Variants in LOC128462377 observed in about 807,000 individuals in gnomAD.
At chr16:89,358,464 T>G in the LOC128462377 span, among the ~76,000 whole-genome samples, 1 of 152,240 alleles carries the variant, frequency 6.6e-6, no homozygotes. Flanking sequence ...GTAACTGGAT[T>G]GTTTACAACA....
chr16:89,393,635 C>A, the LOC128462377 span, among the ~76,000 whole-genome samples: 1 of 152,028 alleles, frequency 6.6e-6, no homozygotes, highest in South Asian at 2.1e-4. Context: ...AGCCACTGCG[C>A]CCGGCCTAGT....
the LOC128462377 span, among the ~76,000 whole-genome samples, chr16:89,327,627 A>C: frequency 6.6e-6 from 1 of 152,244 alleles, no homozygotes; most frequent in Non-Finnish European, 1.5e-5. Flanking sequence ...GCATGCTACC[A>C]ATAATCCTAT....
At chr16:89,337,486 G>C in the LOC128462377 span, among the ~76,000 whole-genome samples, 1 of 124,792 alleles carries the variant, frequency 8.0e-6, no homozygotes, top group African/African-American at 3.1e-5. Flanking sequence ...GCCCAGGCTG[G>C]AGTGCAGTGG....
the LOC128462377 span, among the ~76,000 whole-genome samples, chr16:89,400,016 T>G: frequency 6.8e-6 from 1 of 147,956 alleles, no homozygotes; most frequent in South Asian, 2.2e-4. Flanking sequence ...GCCCCAGGCT[T>G]CCCTGCGCTG....
the LOC128462377 span, among the ~76,000 whole-genome samples, chr16:89,372,313 G>A: frequency 2.0e-5 from 3 of 152,174 alleles, no homozygotes; most frequent in Non-Finnish European, 4.4e-5. Flanking sequence ...CGGCGGCAGC[G>A]CCCAGCGACG....
the LOC128462377 span, among the ~76,000 whole-genome samples, chr16:89,351,758 G>A: frequency 6.6e-6 from 1 of 152,230 alleles, no homozygotes; most frequent in South Asian, 2.1e-4. Context: ...AACAAGGAGT[G>A]ACGATTAAAG....
At chr16:89,349,285 T>G in the LOC128462377 span, among the ~76,000 whole-genome samples, 3 of 151,664 alleles carry the variant, frequency 2.0e-5, no homozygotes, top group Non-Finnish European at 4.4e-5. Context: ...TCCCAGCACT[T>G]TGGGAGAACA....
the LOC128462377 span, among the ~76,000 whole-genome samples, chr16:89,389,415 T>C: frequency 1.3e-5 from 2 of 151,314 alleles, no homozygotes; most frequent in African/African-American, 4.9e-5. Context: ...TATGATTACA[T>C]AGGAGAAAAA....
chr16:89,384,000 AC>A, the LOC128462377 span, among the ~76,000 whole-genome samples: 4 of 152,154 alleles, frequency 2.6e-5, no homozygotes, highest in Non-Finnish European at 5.9e-5. Flanking sequence ...CAGGCAGGTC[AC>A]CTGAGCTCAG....
At chr16:89,404,765 C>T in the LOC128462377 span, among the ~76,000 whole-genome samples, 4 of 152,258 alleles carry the variant, frequency 2.6e-5, no homozygotes, top group Non-Finnish European at 5.9e-5. Flanking sequence ...ATGTGCTCAG[C>T]CACGCCTACC....
the LOC128462377 span, among the ~76,000 whole-genome samples, chr16:89,380,115 C>T: frequency 6.6e-6 from 1 of 151,848 alleles, no homozygotes; most frequent in Non-Finnish European, 1.5e-5. Flanking sequence ...ACAATGATGC[C>T]TGTTTTTTTC....
chr16:89,395,743 G>C, the LOC128462377 span: 1 of 152,228 alleles, frequency 6.6e-6, no homozygotes, highest in African/African-American at 2.4e-5. Context: ...AGACTGAATA[G>C]CTTGGTACAC....
chr16:89,407,610 C>T, the LOC128462377 span, among the ~76,000 whole-genome samples: 694 of 152,350 alleles, frequency 4.6e-3, 4 homozygotes, highest in Admixed American at 0.011. Context: ...TGCTTGAGTT[C>T]AGGAGTTCAA....
the LOC128462377 span, among the ~76,000 whole-genome samples, chr16:89,352,299 C>T: frequency 2.0e-5 from 3 of 151,960 alleles, no homozygotes; most frequent in African/African-American, 7.3e-5. Flanking sequence ...GTATGCATCA[C>T]GCCACGCGGT....
At chr16:89,415,834 A>AAAAAAAAAAAAAAAAAAAAAAAC in the LOC128462377 span, among the ~76,000 whole-genome samples, 1 of 139,926 alleles carries the variant, frequency 7.1e-6, no homozygotes, top group Non-Finnish European at 1.6e-5. Flanking sequence ...TGTCTCAAAA[A>AAAAAAAAAAAAAAAAAAAAAAAC]AAAAAAAAAA....
the LOC128462377 span, among the ~76,000 whole-genome samples, chr16:89,374,188 A>G: frequency 9.8e-5 from 15 of 152,338 alleles, no homozygotes; most frequent in African/African-American, 3.4e-4. Context: ...AATTCTTTTT[A>G]AAAACATTAA....
At chr16:89,398,606 T>A in the LOC128462377 span, among the ~76,000 whole-genome samples, 2 of 152,072 alleles carry the variant, frequency 1.3e-5, no homozygotes, top group Non-Finnish European at 2.9e-5. Context: ...GCTGGGTGTG[T>A]TGGCACCTGC....
the LOC128462377 span, among the ~76,000 whole-genome samples, chr16:89,351,886 C>A: frequency 2.0e-5 from 3 of 152,186 alleles, no homozygotes; most frequent in Admixed American, 2.0e-4. Flanking sequence ...GGTAAGCCTA[C>A]GGTCTGTCAA....
At chr16:89,417,884 A>G in the LOC128462377 span, among the ~76,000 whole-genome samples, 1 of 152,226 alleles carries the variant, frequency 6.6e-6, no homozygotes, top group African/African-American at 2.4e-5. Context: ...CCCAGGATAC[A>G]GAATCCTCAC....
Sources: allele counts gnomAD v4.1 joint callset (sites outside exome capture counted in the v4.1 genomes callset), GRCh38; gene constraint gnomAD v4.1.1; transcripts MANE v1.5.